SLC16A9: variants seen among roughly 807,000 people sequenced by gnomAD.
The protein encoded by SLC16A9 is monocarboxylate transporter 9.
SLC16A9 carries 26 observed loss-of-function variants against 44.3 expected under a neutral mutation model. The ratio of observed to expected loss-of-function variants is 0.59; its 90% CI spans 0.43 to 0.81. The LOEUF is 0.81. SLC16A9 is among the 40% of genes least tolerant of loss of function. The pLI is 0.00. For synonymous variants in SLC16A9, 230 were observed against 225.1 expected, an observed-to-expected ratio of 1.02 and a Z score of -0.19; for missense variants, 559 against 595.8, an observed-to-expected ratio of 0.94 and a Z score of 0.64.
chr10:59,684,107 C>A lies in SLC16A9; in HGVS notation c.185G>T (p.Gly62Val). The change falls in exon 2 of 6, where the codon GGC becomes GTC. Residue 62 changes from glycine to valine, a missense_variant. Gly to Val is a moderately radical substitution (Grantham distance 109, BLOSUM62 -3). Transcript: ENST00000395348. ...ATTTATCCACTTACTTGCAAGCAAG[C>A]CAACTCCACTTGCCAGGGATCCAAC... ...AWVGSLASGVGLLASPVCSLC... is the reference protein window; with the variant it reads ...AWVGSLASGVVLLASPVCSLC... The A allele has an allele frequency of 6.2e-7, 1 of 1,611,248 alleles. No homozygotes were observed. The highest frequency in any genetic ancestry group is 8.5e-7 in the Non-Finnish European group (1 of 1,178,466).
chr10:59,662,405 G>C (rs1009938729), intron 4 of SLC16A9, among the ~76,000 whole-genome samples: 5 of 151,804 alleles, frequency 3.3e-5, no homozygotes, highest in Non-Finnish European at 5.9e-5. Flanking sequence ...AGGAGGCTGA[G>C]GCAGGCAGAT....
In SLC16A9 at chr10:59,679,836, G is replaced by C. The variant is rs571257594; in HGVS notation, c.196+4260C>G. On this transcript the variant is annotated intron_variant, in intron 2 of 5. Coordinates refer to ENST00000395348, the MANE Select transcript of SLC16A9 (RefSeq NM_194298.3). ...CCAGGCCTCTGCATAAAGGTAATTT[G>C]CATGGACTTCCCTCTCCCTGTCTAT... Among the ~76,000 whole-genome samples the C allele has an allele frequency of 2.0e-5, 3 of 152,254 alleles. No homozygotes were observed. The East Asian group carries it at 5.8e-4, about 29-fold the overall frequency.
intron 1 of SLC16A9, chr10:59,708,760 G>T (rs3802694): frequency 0.32 from 48,347 of 152,076 alleles, 8,548 homozygotes; most frequent in Middle Eastern, 0.42. Flanking sequence ...GCCTCTGGGC[G>T]CTGCTGAAGC....
intron 2 of SLC16A9, among the ~76,000 whole-genome samples, chr10:59,681,373 G>T (rs1839981792): frequency 6.6e-6 from 1 of 151,100 alleles, no homozygotes; most frequent in South Asian, 2.1e-4. Flanking sequence ...AGCCAGCTAT[G>T]CTGAAACTTG....
chr10:59,695,536 C>T (rs1293036262), intron 1 of SLC16A9, among the ~76,000 whole-genome samples: 1 of 152,126 alleles, frequency 6.6e-6, no homozygotes, highest in Admixed American at 6.5e-5. Flanking sequence ...TGAGACTTTT[C>T]ATAAATACGA....
Position 59,652,646 on chromosome 10 carries a change from A to G in SLC16A9, c.*126T>C. 1.3e-6 allele frequency: 1 copy of G among 770,596 alleles called. No homozygotes were observed. Among genetic ancestry groups the G allele is most frequent in the Non-Finnish European group, 2.0e-6 (1 of 492,000 alleles). 47.7% of individuals were successfully genotyped at this position (770,596 alleles called of 1,614,324 possible). A position where few individuals can be genotyped will look rare whatever the true frequency, so the allele number is the denominator to read the frequency against. ...ATATAAAAAAAAATAATTCATTCAG[A>G]GTCAGTCATTGTGAAATTTTGCTAT... On this transcript the variant is annotated 3_prime_UTR_variant, in exon 6 of 6. Coordinates refer to ENST00000395348, the MANE Select transcript of SLC16A9 (RefSeq NM_194298.3).
intron 1 of SLC16A9, among the ~76,000 whole-genome samples, chr10:59,694,794 C>T (rs1840332153): frequency 3.5e-5 from 1 of 28,772 alleles, no homozygotes; most frequent in African/African-American, 1.2e-4. Context: ...AGCGAGACTC[C>T]ATCTCAAATA....
intron 3 of SLC16A9, among the ~76,000 whole-genome samples, chr10:59,671,258 T>A (rs1324364807): frequency 6.6e-6 from 1 of 152,188 alleles, no homozygotes; most frequent in African/African-American, 2.4e-5. Context: ...GCCTGTTTTC[T>A]GACCCAGAAT....
chr10:59,706,445 G>A (rs771515081), intron 1 of SLC16A9, among the ~76,000 whole-genome samples: 1 of 152,054 alleles, frequency 6.6e-6, no homozygotes, highest in South Asian at 2.1e-4. Context: ...ACAATACAGT[G>A]GTTCCTCAGA....
rs1395219685 is a variant in SLC16A9 at position 59,651,182 on chromosome 10, C to A, written c.*1590G>T. The A allele has an allele frequency of 6.6e-6, 1 of 152,062 alleles. No homozygotes were observed. Among genetic ancestry groups the A allele is most frequent in the African/African-American group, 2.4e-5 (1 of 41,412 alleles). The allele number at this position is 152,062 out of a possible 1,614,324, so 9.4% of individuals were successfully genotyped here. Reference sequence around the variant, plus strand: ...TCCAGGTTTACTACATAGAAAAGTACTATTTACCTACCTCACAGAGGTATT... The same window carrying A: ...TCCAGGTTTACTACATAGAAAAGTAATATTTACCTACCTCACAGAGGTATT... On this transcript the variant is annotated 3_prime_UTR_variant, in exon 6 of 6. Transcript: ENST00000395348.
intron 3 of SLC16A9, among the ~76,000 whole-genome samples, chr10:59,669,798 G>GAA (rs530695961): frequency 7.3e-6 from 1 of 137,878 alleles, no homozygotes. Flanking sequence ...CGTCTCGAAA[G>GAA]AAAAAAAAAA....
intron 1 of SLC16A9, among the ~76,000 whole-genome samples, chr10:59,706,833 G>A (rs1840648565): frequency 6.6e-6 from 1 of 151,918 alleles, no homozygotes. Context: ...AATTAGCCAG[G>A]CATGGTGGCA....
At chr10:59,691,724 A>C (rs573925768) in intron 1 of SLC16A9, among the ~76,000 whole-genome samples, 1 of 152,326 alleles carries the variant, frequency 6.6e-6, no homozygotes, top group African/African-American at 2.4e-5. Context: ...TTCACAATAA[A>C]GCTTTAAGTT....
intron 3 of SLC16A9, among the ~76,000 whole-genome samples, chr10:59,664,821 G>A (rs1839572322): frequency 6.6e-6 from 1 of 152,038 alleles, no homozygotes; most frequent in Non-Finnish European, 1.5e-5. Flanking sequence ...GGCCCTGTGG[G>A]GTTCTCATAT....
rs185959113 is a variant in SLC16A9, at chr10:59,653,185, C to G, written c.1352-235G>C. Reference sequence around the variant, plus strand: ...CTGTAAACCCAGCACTTTGGGAGGCCGAGGCGGGCGGATCACGAGGTCAGG... The same window carrying G: ...CTGTAAACCCAGCACTTTGGGAGGCGGAGGCGGGCGGATCACGAGGTCAGG... On this transcript the variant is annotated intron_variant, in intron 5 of 5. Coordinates refer to ENST00000395348, the MANE Select transcript of SLC16A9 (RefSeq NM_194298.3). Among the ~76,000 whole-genome samples the G allele has an allele frequency of 3.5e-3, 527 of 151,632 alleles. 2 individuals are homozygous for G. Among genetic ancestry groups the G allele is most frequent in the African/African-American group, 0.012 (505 of 41,280 alleles).
At chr10:59,697,366 C>A (rs1371033162) in intron 1 of SLC16A9, among the ~76,000 whole-genome samples, 1 of 150,634 alleles carries the variant, frequency 6.6e-6, no homozygotes, top group African/African-American at 2.4e-5. Flanking sequence ...ACATGGGAGA[C>A]TTTTCATTTT....
chr10:59,667,487 A>T (rs1380727332), intron 3 of SLC16A9, among the ~76,000 whole-genome samples: 1 of 152,236 alleles, frequency 6.6e-6, no homozygotes, highest in Non-Finnish European at 1.5e-5. Flanking sequence ...GTTATTTTTC[A>T]TAATAGATAT....
chr10:59,656,263 G>T (rs1209595679), intron 4 of SLC16A9, among the ~76,000 whole-genome samples: 1 of 152,206 alleles, frequency 6.6e-6, no homozygotes, highest in Admixed American at 6.5e-5. Flanking sequence ...GTGACCTCAT[G>T]TACTGCATTA....
At chr10:59,663,718 T>C (rs1839539521) in intron 4 of SLC16A9, among the ~76,000 whole-genome samples, 1 of 152,090 alleles carries the variant, frequency 6.6e-6, no homozygotes, top group Admixed American at 6.5e-5. Flanking sequence ...GTAACAAAAC[T>C]GCATGTTCTG....
Sources: gnomAD v4.1 joint callset for allele counts (sites outside exome capture counted in the v4.1 genomes callset) on GRCh38, gnomAD v4.1.1 for gene constraint, MANE v1.5 for transcripts, NCBI Gene and HGNC (gene_info 2026-07-23, HGNC 2026-07-21) for gene names.